The following PCDHA7 variants were observed in gnomAD, a reference collection of about 807,000 sequenced individuals.
The protein encoded by PCDHA7 is protocadherin alpha-7.
Under a neutral mutation model 57.2 loss-of-function variants are expected in PCDHA7, and 37 were observed. That is an observed-to-expected ratio of 0.65 (90% CI 0.50 to 0.85). PCDHA7 has a LOEUF of 0.85. PCDHA7 is among the 40% of genes least tolerant of loss of function. The pLI, the probability that PCDHA7 is intolerant of heterozygous loss-of-function variation, is 0.00. For missense variants in PCDHA7, 1,188 were observed against 1,241.8 expected (o/e 0.96, Z 0.65); for synonymous variants, 553 against 558.8 (o/e 0.99, Z 0.15).
Position 140,849,058 on chromosome 5 carries a change from A to T in PCDHA7, c.2355+12320A>T, listed in dbSNP as rs1222593356. 1.9e-6 allele frequency: 3 copies of T among 1,550,796 alleles called. No homozygotes were observed. In the African/African-American group the frequency reaches 4.5e-5, roughly 23 times the overall value. ...CTGGACGTGCCAACCAGCAACCAGC[A>T]GGTAAAACCTCTTGGACTTGTATTA... On this transcript the variant is annotated intron_variant, in intron 1 of 3. Coordinates refer to ENST00000525929, the MANE Select transcript of PCDHA7 (RefSeq NM_018910.3).
chr5:140,956,540 G>A (rs1356910892), intron 1 of PCDHA7, among the ~76,000 whole-genome samples: 1 of 152,186 alleles, frequency 6.6e-6, no homozygotes, highest in Non-Finnish European at 1.5e-5. Context: ...TGTGCTGCTG[G>A]ATTTGGTTTG....
At chr5:140,851,790 T>A in intron 1 of PCDHA7, 1 of 955,904 alleles carries the variant, frequency 1.0e-6, no homozygotes, top group Non-Finnish European at 1.3e-6. Context: ...GAGAATTCAC[T>A]TGTTCTGTCA....
chr5:140,841,707 AC>A (rs2150321294), intron 1 of PCDHA7: 1 of 1,613,698 alleles, frequency 6.2e-7, no homozygotes. Flanking sequence ...GTTAATGACA[AC>A]CCGCCAGTGT....
intron 1 of PCDHA7, among the ~76,000 whole-genome samples, chr5:140,910,047 A>G (rs1454501128): frequency 2.0e-5 from 3 of 152,208 alleles, no homozygotes; most frequent in African/African-American, 4.8e-5. Context: ...CTTGGTCATA[A>G]TAAGTGATCT....
At chr5:140,935,473 AT>A (rs2090393235) in intron 1 of PCDHA7, among the ~76,000 whole-genome samples, 1 of 152,212 alleles carries the variant, frequency 6.6e-6, no homozygotes, top group African/African-American at 2.4e-5. Context: ...AGTTTTTGTC[AT>A]TCTTTTCATT....
intron 1 of PCDHA7, among the ~76,000 whole-genome samples, chr5:140,924,015 A>G (rs2081623207): frequency 6.6e-6 from 1 of 152,164 alleles, no homozygotes; most frequent in Admixed American, 6.5e-5. Flanking sequence ...AACCTGGTAT[A>G]ATTGGAGGCA....
intron 3 of PCDHA7, among the ~76,000 whole-genome samples, chr5:140,985,188 C>T (rs1186148399): frequency 6.6e-6 from 1 of 152,192 alleles, no homozygotes; most frequent in African/African-American, 2.4e-5. Context: ...CCGCCTGCCT[C>T]GGTCTCCCAA....
chr5:140,872,346 G>A (rs2053606612), intron 1 of PCDHA7, among the ~76,000 whole-genome samples: 1 of 152,022 alleles, frequency 6.6e-6, no homozygotes, highest in Admixed American at 6.6e-5. Context: ...ACATGTTCTT[G>A]CCAGGCAAAG....
chr5:140,883,905 G>A (rs781818160), intron 1 of PCDHA7: 2 of 1,613,458 alleles, frequency 1.2e-6, no homozygotes, highest in Non-Finnish European at 1.7e-6. Flanking sequence ...CCGCCTCTGG[G>A]CAGCAACGTG....
intron 1 of PCDHA7, chr5:140,877,121 C>T (rs782727100): frequency 6.2e-7 from 1 of 1,613,694 alleles, no homozygotes; most frequent in Non-Finnish European, 8.5e-7. Context: ...AGCAACGTGA[C>T]GCTGCAGGTG....
chr5:140,917,450 G>A (rs1220183879), intron 1 of PCDHA7, among the ~76,000 whole-genome samples: 2 of 152,010 alleles, frequency 1.3e-5, no homozygotes, highest in Non-Finnish European at 2.9e-5. Context: ...CTGCAAGAGC[G>A]TTTGGCATCT....
chr5:140,845,560 A>G (rs2150379954), intron 1 of PCDHA7, among the ~76,000 whole-genome samples: 47 of 149,642 alleles, frequency 3.1e-4, no homozygotes, highest in African/African-American at 1.1e-3. Context: ...GCTTTTAGCT[A>G]TTAAGAATTT....
intron 1 of PCDHA7, chr5:140,849,742 A>G: frequency 6.3e-7 from 1 of 1,598,398 alleles, no homozygotes; most frequent in South Asian, 1.1e-5. Context: ...CTGGACCGCG[A>G]GAGTGTGTCC....
chr5:140,877,206 C>T (rs782807049), intron 1 of PCDHA7: 3 of 1,613,650 alleles, frequency 1.9e-6, no homozygotes, highest in African/African-American at 2.7e-5. Flanking sequence ...GCGCAGTTAG[C>T]GAGTTGGTAC....
intron 1 of PCDHA7, chr5:140,884,552 G>A (rs1554181720): frequency 6.2e-7 from 1 of 1,614,142 alleles, no homozygotes; most frequent in East Asian, 2.2e-5. Context: ...GTGCTCTGGG[G>A]AGGGCCCGCA....
rs2150344223 is a variant in PCDHA7 at position 140,842,785 on chromosome 5, G to T, written c.2355+6047G>T. The T allele has an allele frequency of 1.1e-4, 175 of 1,594,390 alleles. 18 individuals are homozygous for T. Among genetic ancestry groups the T allele is most frequent in the Non-Finnish European group, 1.4e-4 (165 of 1,165,442 alleles). ...GAGACGCGGACGCGCAGGAGAACGCGCTGGTGTCCTACTCGCTTGTGGAGC... is the reference window on the plus strand; with the variant it reads ...GAGACGCGGACGCGCAGGAGAACGCTCTGGTGTCCTACTCGCTTGTGGAGC... On this transcript the variant is annotated intron_variant, in intron 1 of 3. Coordinates refer to ENST00000525929, the MANE Select transcript of PCDHA7 (RefSeq NM_018910.3).
intron 1 of PCDHA7, chr5:140,858,271 C>A: frequency 6.3e-7 from 1 of 1,597,124 alleles, no homozygotes. Flanking sequence ...TGTGCTCTAG[C>A]GCGGTGGGGA....
chr5:140,884,840 A>G (rs2060380495), intron 1 of PCDHA7: 7 of 888,512 alleles, frequency 7.9e-6, no homozygotes, highest in Non-Finnish European at 1.1e-5. Flanking sequence ...TATCCTTCAG[A>G]GTGAAATCTT....
intron 1 of PCDHA7, chr5:140,966,229 A>T (rs1027352378): frequency 1.1e-5 from 3 of 277,852 alleles, no homozygotes; most frequent in African/African-American, 6.6e-5. Context: ...ATCTCCTTAA[A>T]GACCCGTTAA....
Sources: allele counts gnomAD v4.1 joint callset (sites outside exome capture counted in the v4.1 genomes callset), GRCh38; gene constraint gnomAD v4.1.1; transcripts MANE v1.5; gene names NCBI Gene and HGNC (gene_info 2026-07-23, HGNC 2026-07-21).